Variants in RGS6 observed in about 807,000 individuals in gnomAD.
RGS6 encodes the protein regulator of G protein signaling 6.
In RGS6, 30 loss-of-function variants were observed where a neutral mutation model predicts 78.5. That is an observed-to-expected ratio of 0.38 (90% confidence interval 0.29 to 0.52). RGS6 has a LOEUF of 0.52. Among genes scored for constraint, RGS6 ranks in the 20% least tolerant of loss-of-function variants. The pLI is 0.85. For missense variants in RGS6, 495 were observed against 609.7 expected (o/e 0.81, Z 1.98); for synonymous variants, 206 against 206.0 (o/e 1.00, Z 0.00).
intron 13 of RGS6, among the ~76,000 whole-genome samples, chr14:72,504,951 T>G (rs1217361178): frequency 8.5e-6 from 1 of 118,236 alleles, no homozygotes; most frequent in African/African-American, 3.6e-5. Flanking sequence ...TTTTTTTTTG[T>G]ATTTTTAGTA....
At chr14:72,200,961 TAAAAAAAA>T (rs10577203) in intron 2 of RGS6, among the ~76,000 whole-genome samples, 23 of 121,626 alleles carry the variant, frequency 1.9e-4, no homozygotes, top group East Asian at 1.2e-3. Context: ...GTGCTCTGCT[TAAAAAAAA>T]AAAAAAAAAA....
At chr14:71,959,671 T>C (rs1483463781) in intron 1 of RGS6, among the ~76,000 whole-genome samples, 2 of 146,774 alleles carry the variant, frequency 1.4e-5, no homozygotes, top group Non-Finnish European at 3.0e-5. Context: ...TCATCTCTGA[T>C]GCACGAGTCA....
At chr14:72,537,328 T>C (rs534116886) in intron 16 of RGS6, among the ~76,000 whole-genome samples, 13 of 152,348 alleles carry the variant, frequency 8.5e-5, no homozygotes, top group African/African-American at 2.9e-4. Flanking sequence ...GTCACCCTCA[T>C]GTGCCAGGAT....
chr14:72,305,324 C>A (rs750954316), intron 2 of RGS6, among the ~76,000 whole-genome samples: 1 of 152,176 alleles, frequency 6.6e-6, no homozygotes, highest in African/African-American at 2.4e-5. Flanking sequence ...ATAGATGCAT[C>A]TTCTCCAGTC....
chr14:72,071,267 A>G (rs2094397854), intron 2 of RGS6, among the ~76,000 whole-genome samples: 2 of 152,244 alleles, frequency 1.3e-5, no homozygotes, highest in African/African-American at 4.8e-5. Flanking sequence ...TAGCTATTCA[A>G]CACAATTTAA....
chr14:72,291,771 T>A (rs369721832), intron 2 of RGS6, among the ~76,000 whole-genome samples: 1 of 152,026 alleles, frequency 6.6e-6, no homozygotes, highest in East Asian at 1.9e-4. Context: ...AGCAAATTTT[T>A]AAAAAAAGAA....
chr14:72,069,954 CCTT>C (rs914321733), intron 2 of RGS6, among the ~76,000 whole-genome samples: 6 of 152,220 alleles, frequency 3.9e-5, no homozygotes, highest in African/African-American at 1.2e-4. Flanking sequence ...CTTGGAATCA[CCTT>C]CTTCAACTTG....
At chr14:72,475,830 G>GCACACACACACA (rs1555424335) in intron 10 of RGS6, among the ~76,000 whole-genome samples, 5 of 145,702 alleles carry the variant, frequency 3.4e-5, no homozygotes, top group African/African-American at 5.1e-5. Flanking sequence ...AAAAATACAC[G>GCACACACACACA]CACACACACA....
At chr14:72,319,014 C>T (rs2071110668) in intron 2 of RGS6, among the ~76,000 whole-genome samples, 1 of 152,220 alleles carries the variant, frequency 6.6e-6, no homozygotes, top group Admixed American at 6.5e-5. Flanking sequence ...TCCCACAAAA[C>T]TGTCCTCTAA....
At chr14:72,236,414 G>A (rs2051043523) in intron 2 of RGS6, among the ~76,000 whole-genome samples, 1 of 152,140 alleles carries the variant, frequency 6.6e-6, no homozygotes, top group Admixed American at 6.5e-5. Context: ...CAGGTAAAAT[G>A]TGCGCACAGC....
intron 2 of RGS6, among the ~76,000 whole-genome samples, chr14:72,158,031 C>G (rs1276448989): frequency 1.3e-5 from 2 of 152,088 alleles, no homozygotes; most frequent in Non-Finnish European, 2.9e-5. Context: ...TCTCTGAGAC[C>G]TGGTGCCCCA....
intron 13 of RGS6, among the ~76,000 whole-genome samples, chr14:72,501,714 A>G (rs2096729230): frequency 6.6e-6 from 1 of 152,202 alleles, no homozygotes; most frequent in African/African-American, 2.4e-5. Flanking sequence ...GAGTCTAATG[A>G]AACCTGGTGT....
Position 72,562,505 on chromosome 14 carries a change from C to G in RGS6, c.*38C>G. 1.2e-6 allele frequency: 2 copies of G among 1,609,288 alleles called. No homozygotes were observed. The highest frequency in any genetic ancestry group is 2.7e-5 in the African/African-American group (2 of 75,050). ...CAGGTCCAGGGCCTGGGCCCGCGGA[C>G]CCCACAGGCAGGCGGCGGCGCTCCA... On this transcript the variant is annotated 3_prime_UTR_variant, in exon 18 of 18. Coordinates refer to ENST00000553525, the MANE Select transcript of RGS6 (RefSeq NM_001204424.2).
At chr14:72,232,939 G>A (rs1460536185) in intron 2 of RGS6, among the ~76,000 whole-genome samples, 4 of 152,174 alleles carry the variant, frequency 2.6e-5, no homozygotes, top group Non-Finnish European at 5.9e-5. Flanking sequence ...ACCAAGCAGA[G>A]CATGGGTGGC....
At chr14:72,067,554 TCA>T (rs140001228) in intron 2 of RGS6, among the ~76,000 whole-genome samples, 33,503 of 152,012 alleles carry the variant, frequency 0.22, 3,799 homozygotes, top group Admixed American at 0.28. Flanking sequence ...CACTTTTTAA[TCA>T]CACACACTAA....
intron 2 of RGS6, among the ~76,000 whole-genome samples, chr14:72,015,292 T>A (rs1234080934): frequency 6.6e-6 from 1 of 152,088 alleles, no homozygotes; most frequent in African/African-American, 2.4e-5. Flanking sequence ...ACTAGTGGAG[T>A]GAATTAACTC....
intron 14 of RGS6, chr14:72,515,872 T>C (rs1362554548): frequency 6.6e-6 from 1 of 152,114 alleles, no homozygotes; most frequent in East Asian, 1.9e-4. Flanking sequence ...CTGACAGAGG[T>C]GACAGAAAGT....
intron 2 of RGS6, among the ~76,000 whole-genome samples, chr14:72,056,642 C>T (rs943159920): frequency 1.8e-4 from 27 of 152,294 alleles, no homozygotes; most frequent in African/African-American, 5.5e-4. Flanking sequence ...TATTTCTGTG[C>T]ACATTTAGAA....
At chr14:72,471,468 A>G (rs1390475650) in intron 8 of RGS6, among the ~76,000 whole-genome samples, 1 of 152,166 alleles carries the variant, frequency 6.6e-6, no homozygotes. Flanking sequence ...GAATGGGACT[A>G]TGTTTCCTCT....
Sources: gnomAD v4.1 joint callset for allele counts (sites outside exome capture counted in the v4.1 genomes callset) on GRCh38, gnomAD v4.1.1 for gene constraint, MANE v1.5 for transcripts, NCBI Gene and HGNC (gene_info 2026-07-23, HGNC 2026-07-21) for gene names.